The following PHACTR3 variants were observed in gnomAD, a reference collection of about 807,000 sequenced individuals.
PHACTR3 encodes phosphatase and actin regulator 3.
Under a neutral mutation model 66.8 loss-of-function variants are expected in PHACTR3, and 16 were observed. The ratio of observed to expected loss-of-function variants is 0.24; its 90% CI spans 0.16 to 0.36. The LOEUF (loss-of-function observed/expected upper bound fraction) is 0.36. Ranked by LOEUF, PHACTR3 falls within the 10% of genes least tolerant of loss-of-function variation. PHACTR3 has a pLI of 1.00. For missense variants in PHACTR3, 647 were observed against 719.9 expected, an observed-to-expected ratio of 0.90 and a Z score of 1.16; for synonymous variants, 323 against 292.1, an observed-to-expected ratio of 1.11 and a Z score of -1.08.
Position 59,654,744 on chromosome 20 carries a change from G to A in PHACTR3, c.118+49612G>A, listed in dbSNP as rs1017555831. 2.3e-4 allele frequency among the ~76,000 whole-genome samples: 35 copies of A among 152,060 alleles called. 1 individual carries two copies. Among genetic ancestry groups the A allele is most frequent in the African/African-American group, 8.0e-4 (33 of 41,430 alleles). On this transcript the variant is annotated intron_variant, in intron 1 of 12. Transcript: ENST00000371015. The stretch of plus-strand genomic sequence containing the variant: ...GAAATTTTCCCAGTTTACTCTTCGA[G>A]CCAATTCCTCCTTAGCTCACAGAGA...
chr20:59,800,018 T>C (rs965094965), intron 7 of PHACTR3, among the ~76,000 whole-genome samples: 1 of 152,190 alleles, frequency 6.6e-6, no homozygotes, highest in Non-Finnish European at 1.5e-5. Context: ...CTCTCTTATC[T>C]TATCACTGCC....
intron 1 of PHACTR3, among the ~76,000 whole-genome samples, chr20:59,619,446 G>A (rs1162922343): frequency 1.3e-5 from 2 of 152,128 alleles, no homozygotes; most frequent in African/African-American, 4.8e-5. Flanking sequence ...TGCCATAGCT[G>A]CAGGGATCTG....
intron 1 of PHACTR3, among the ~76,000 whole-genome samples, chr20:59,710,192 TA>T (rs745565013): frequency 4.6e-5 from 7 of 152,146 alleles, no homozygotes; most frequent in Non-Finnish European, 8.8e-5. Flanking sequence ...AGGCTTATCT[TA>T]ACAAGCACAA....
chr20:59,711,255 T>A lies in PHACTR3; in HGVS notation c.119-31852T>A, dbSNP rs866642699. On this transcript the variant is annotated intron_variant, in intron 1 of 12. Transcript: ENST00000371015. The stretch of plus-strand genomic sequence containing the variant: ...TCTTACTGTTTGGTTGTTTACATTG[T>A]TGTGCGTAAGGCTTTGTCTCTATCT... Among the ~76,000 whole-genome samples the A allele has an allele frequency of 6.1e-4, 93 of 152,252 alleles. 1 individual carries two copies. Among genetic ancestry groups the A allele is most frequent in the Admixed American group, 4.1e-3 (62 of 15,290 alleles).
intron 1 of PHACTR3, among the ~76,000 whole-genome samples, chr20:59,598,402 CG>C (rs2033385603): frequency 6.6e-6 from 1 of 152,174 alleles, no homozygotes; most frequent in Admixed American, 6.5e-5. Flanking sequence ...GGAGGCTCAG[CG>C]GGGCCACACA....
At chr20:59,782,604 A>T (rs1892477278) in intron 7 of PHACTR3, among the ~76,000 whole-genome samples, 1 of 152,168 alleles carries the variant, frequency 6.6e-6, no homozygotes, top group Non-Finnish European at 1.5e-5. Context: ...GAGGCCTCAC[A>T]ATCATGGTGG....
intron 8 of PHACTR3, among the ~76,000 whole-genome samples, chr20:59,808,837 C>A (rs141437272): frequency 0.014 from 2,159 of 152,302 alleles, 50 homozygotes; most frequent in African/African-American, 0.05. Flanking sequence ...AGCCAGGGAA[C>A]CATTGATGTT....
chr20:59,641,840 A>G (rs2035111984), intron 1 of PHACTR3, among the ~76,000 whole-genome samples: 1 of 152,244 alleles, frequency 6.6e-6, no homozygotes, highest in African/African-American at 2.4e-5. Context: ...ATGTTTCTGT[A>G]TATACAAATA....
At chr20:59,628,929 C>G in intron 1 of PHACTR3, 2 of 509,616 alleles carry the variant, frequency 3.9e-6, no homozygotes, top group Non-Finnish European at 5.1e-6. Flanking sequence ...ATGACAGCAT[C>G]CACCTTTCCA....
At chr20:59,841,065 T>G (rs2059050425) in intron 10 of PHACTR3, among the ~76,000 whole-genome samples, 1 of 152,212 alleles carries the variant, frequency 6.6e-6, no homozygotes, top group Admixed American at 6.5e-5. Context: ...TTATTAGTAC[T>G]TTTAAAAAGC....
In PHACTR3 at chr20:59,604,791, G is replaced by A; in HGVS notation, c.-224G>A. The A allele has an allele frequency of 8.3e-7, 1 of 1,201,884 alleles. No individual in the cohort carries two copies. Among genetic ancestry groups the A allele is most frequent in the East Asian group, 3.4e-5 (1 of 29,314 alleles). 74.5% of individuals were successfully genotyped at this position (1,201,884 alleles called of 1,614,324 possible). ...AAAGCGAGGCCGCGCACGCCGGGAT[G>A]CGCCTGGCTGCAGCCGGCGAGGCTA... On this transcript the variant is annotated 5_prime_UTR_variant, in exon 1 of 13. The change abolishes an upstream ATG in the 5' untranslated region. Transcript: ENST00000371015.
chr20:59,599,835 G>C (rs2033423879), upstream of PHACTR3, among the ~76,000 whole-genome samples: 1 of 152,032 alleles, frequency 6.6e-6, no homozygotes, highest in Admixed American at 6.5e-5. Context: ...TATTCCTGCT[G>C]GGCCAGGCTG....
intron 1 of PHACTR3, among the ~76,000 whole-genome samples, chr20:59,578,669 C>G (rs938036767): frequency 3.3e-5 from 5 of 152,196 alleles, no homozygotes; most frequent in Non-Finnish European, 7.3e-5. Context: ...AGGAGCCCTC[C>G]TTCCCCACGA....
intron 8 of PHACTR3, among the ~76,000 whole-genome samples, chr20:59,832,779 AC>A (rs2042421640): frequency 1.3e-5 from 2 of 151,990 alleles, no homozygotes; most frequent in Admixed American, 1.3e-4. Context: ...CCACCTCAGG[AC>A]CTTTGCACAT....
chr20:59,767,496 A>C (rs1601307949), intron 5 of PHACTR3, 101 bp downstream of exon 5: 1 of 1,298,912 alleles, frequency 7.7e-7, no homozygotes. Flanking sequence ...CTATTTATTC[A>C]CCCATTCACT....
chr20:59,623,373 G>T (rs961360356), intron 1 of PHACTR3, among the ~76,000 whole-genome samples: 7 of 152,078 alleles, frequency 4.6e-5, no homozygotes, highest in African/African-American at 1.7e-4. Context: ...TGTTGTGGGG[G>T]TTAAATGATA....
At chr20:59,665,683 G>A (rs1448933581) in intron 1 of PHACTR3, among the ~76,000 whole-genome samples, 2 of 152,090 alleles carry the variant, frequency 1.3e-5, no homozygotes, top group Admixed American at 1.3e-4. Flanking sequence ...AACAACACTT[G>A]GAGAAGCCTG....
At chr20:59,761,494 G>C (rs1192580359) in intron 4 of PHACTR3, among the ~76,000 whole-genome samples, 1 of 152,178 alleles carries the variant, frequency 6.6e-6, no homozygotes, top group African/African-American at 2.4e-5. Context: ...TTGAACTCCA[G>C]AATGTCTTCA....
chr20:59,813,503 C>T (rs150422275), intron 8 of PHACTR3, among the ~76,000 whole-genome samples: 6 of 152,282 alleles, frequency 3.9e-5, no homozygotes, highest in East Asian at 1.9e-4. Context: ...ACAGAGATTT[C>T]GAATTCATGT....
Sources: allele counts gnomAD v4.1 joint callset (sites outside exome capture counted in the v4.1 genomes callset), GRCh38; gene constraint gnomAD v4.1.1; transcripts MANE v1.5; gene names NCBI Gene and HGNC (gene_info 2026-07-23, HGNC 2026-07-21).